Variants in ZHX3 observed in about 807,000 individuals in gnomAD.
ZHX3 encodes the protein zinc fingers and homeoboxes protein 3.
Under a neutral mutation model 64.5 loss-of-function variants are expected in ZHX3, and 20 were observed. The ratio of observed to expected loss-of-function variants is 0.31; its 90% CI spans 0.22 to 0.45. ZHX3 has a LOEUF of 0.45. ZHX3 is among the 20% of genes least tolerant of loss of function. The pLI, the probability that ZHX3 is intolerant of heterozygous loss-of-function variation, is 1.00. For synonymous variants in ZHX3, 423 were observed against 461.6 expected, an observed-to-expected ratio of 0.92 and a Z score of 1.07; for missense variants, 1,041 against 1,195.8, an observed-to-expected ratio of 0.87 and a Z score of 1.91.
rs116337163 is a variant in ZHX3 at position 41,315,307 on chromosome 20, T to C, written c.-245+2202A>G. Among the ~76,000 whole-genome samples the C allele has an allele frequency of 3.1e-3, 461 of 148,250 alleles. 1 individual carries two copies. Among genetic ancestry groups the C allele is most frequent in the African/African-American group, 0.011 (428 of 40,102 alleles). ...AAGCAATTCTCCTGCCTCAGCCTCC[T>C]GAGTAGCTGGGATTACAGGCACGCA... On this transcript the variant is annotated intron_variant, in intron 1 of 3. Transcript: ENST00000683867.
At chr20:41,229,523 T>C (rs1191864636) in intron 2 of ZHX3, among the ~76,000 whole-genome samples, 2 of 152,194 alleles carry the variant, frequency 1.3e-5, no homozygotes, top group African/African-American at 2.4e-5. Context: ...CCACCAACAG[T>C]GCACTGAGTT....
In ZHX3 at chr20:41,219,516, G is replaced by C. The variant is rs1450637426; in HGVS notation, c.-150-14450C>G. Among the ~76,000 whole-genome samples the C allele has an allele frequency of 6.6e-6, 1 of 152,200 alleles. No individual in the cohort carries two copies. The highest frequency in any genetic ancestry group is 1.5e-5 in the Non-Finnish European group (1 of 68,030). On this transcript the variant is annotated intron_variant, in intron 2 of 3. Transcript: ENST00000683867. The surrounding 1 kb of genome is among the most constrained non-coding windows in gnomAD (Gnocchi z 5.0). ...TGGCACTTATTGACACTAGAAAGAT[G>C]TTTGAAATGGTTCCTTGTAGTAAGC...
At chr20:41,252,964 T>G (rs2042061839) in intron 2 of ZHX3, among the ~76,000 whole-genome samples, 1 of 152,148 alleles carries the variant, frequency 6.6e-6, no homozygotes, top group African/African-American at 2.4e-5. Flanking sequence ...CTCACTCTTA[T>G]CACCAGTCCT....
At chr20:41,231,431 T>C (rs888831183) in intron 2 of ZHX3, among the ~76,000 whole-genome samples, 1 of 152,140 alleles carries the variant, frequency 6.6e-6, no homozygotes, top group African/African-American at 2.4e-5. Context: ...TTCATTAGAG[T>C]TTTCTTTAAC....
At chr20:41,227,691 G>A (rs2040357653) in intron 2 of ZHX3, among the ~76,000 whole-genome samples, 1 of 152,182 alleles carries the variant, frequency 6.6e-6, no homozygotes, top group African/African-American at 2.4e-5. Context: ...TAATGTGTCT[G>A]CCATTATGAA....
rs1364757774 is a variant in ZHX3, at chr20:41,219,703, T to G, written c.-150-14637A>C. ...TCAAGAAGCTAACAGTCTGTTGTGG[T>G]TATTAAGCTATCCACCAGGGCTCTG... On this transcript the variant is annotated intron_variant, in intron 2 of 3. Coordinates refer to ENST00000683867, the MANE Select transcript of ZHX3 (RefSeq NM_001384317.1). This position sits in a 1 kb window ranked among gnomAD's most constrained non-coding sequence, Gnocchi z 5.0. 1.3e-5 allele frequency among the ~76,000 whole-genome samples: 2 copies of G among 152,236 alleles called. No individual in the cohort carries two copies. The highest frequency in any genetic ancestry group is 4.8e-5 in the African/African-American group (2 of 41,458).
intron 1 of ZHX3, among the ~76,000 whole-genome samples, chr20:41,277,939 T>C (rs2043475212): frequency 7.7e-6 from 1 of 129,390 alleles, no homozygotes; most frequent in South Asian, 2.7e-4. Flanking sequence ...GAAAGTATAG[T>C]GTAGGGGATG....
intron 2 of ZHX3, among the ~76,000 whole-genome samples, chr20:41,233,931 TG>T (rs765750605): frequency 1.7e-4 from 26 of 152,252 alleles, no homozygotes; most frequent in Non-Finnish European, 3.8e-4. Flanking sequence ...TGAAGAGACA[TG>T]AAAATCCCAC....
intron 3 of ZHX3, among the ~76,000 whole-genome samples, chr20:41,192,151 G>A (rs150841406): frequency 4.6e-4 from 70 of 152,242 alleles, no homozygotes; most frequent in Non-Finnish European, 6.3e-4. Flanking sequence ...CAGGCTGGGC[G>A]GCCCATTCTG....
chr20:41,192,189 G>A (rs2037081733), intron 3 of ZHX3, among the ~76,000 whole-genome samples: 1 of 152,182 alleles, frequency 6.6e-6, no homozygotes, highest in Non-Finnish European at 1.5e-5. Flanking sequence ...CATACAGGTA[G>A]TAGTGGCCAA....
At chr20:41,315,604 C>T (rs1568971399) in intron 1 of ZHX3, among the ~76,000 whole-genome samples, 2 of 151,912 alleles carry the variant, frequency 1.3e-5, no homozygotes, top group African/African-American at 4.8e-5. Context: ...AGACAAAAAG[C>T]TATTGGAGGG....
At chr20:41,263,395 ATT>A (rs11479971) in intron 2 of ZHX3, among the ~76,000 whole-genome samples, 431 of 140,238 alleles carry the variant, frequency 3.1e-3, no homozygotes, top group African/African-American at 4.3e-3. Context: ...CATTAGAGGA[ATT>A]TTTTTTTTTT....
intron 1 of ZHX3, among the ~76,000 whole-genome samples, chr20:41,276,807 C>A (rs898620063): frequency 6.6e-6 from 1 of 152,202 alleles, no homozygotes. Flanking sequence ...TATGACATAG[C>A]TACAAACTAT....
At chr20:41,186,386 C>A (rs531734697) in intron 3 of ZHX3, among the ~76,000 whole-genome samples, 32 of 152,252 alleles carry the variant, frequency 2.1e-4, no homozygotes, top group South Asian at 1.0e-3. Context: ...CACACATTTT[C>A]TTTATTTATC....
At chr20:41,297,436 C>G (rs532316728) in intron 1 of ZHX3, among the ~76,000 whole-genome samples, 2 of 152,204 alleles carry the variant, frequency 1.3e-5, no homozygotes, top group Non-Finnish European at 2.9e-5. Context: ...CCAGTTTTAT[C>G]TCAAACTAAT....
At chr20:41,233,179 A>G (rs1039152433) in intron 2 of ZHX3, among the ~76,000 whole-genome samples, 14 of 152,242 alleles carry the variant, frequency 9.2e-5, no homozygotes, top group Non-Finnish European at 1.9e-4. Context: ...CTGAGACATG[A>G]TAACATCTGC....
intron 3 of ZHX3, among the ~76,000 whole-genome samples, chr20:41,199,538 C>G (rs1343126627): frequency 6.6e-6 from 1 of 151,326 alleles, no homozygotes; most frequent in Non-Finnish European, 1.5e-5. Flanking sequence ...CCTTAAATAT[C>G]TGGCTTGCCA....
intron 3 of ZHX3, among the ~76,000 whole-genome samples, chr20:41,191,162 C>T (rs1236739534): frequency 6.6e-6 from 1 of 152,154 alleles, no homozygotes; most frequent in East Asian, 1.9e-4. Context: ...CTCTGGGATC[C>T]CAATAATTTA....
intron 2 of ZHX3, among the ~76,000 whole-genome samples, chr20:41,208,947 G>T (rs966345849): frequency 6.6e-6 from 1 of 152,146 alleles, no homozygotes; most frequent in Non-Finnish European, 1.5e-5. Flanking sequence ...AAACCCCATC[G>T]TCTCAGCCTA....
Sources: allele counts gnomAD v4.1 joint callset (sites outside exome capture counted in the v4.1 genomes callset), GRCh38; gene constraint gnomAD v4.1.1; non-coding constraint Gnocchi (gnomAD v3.1); transcripts MANE v1.5; gene names NCBI Gene and HGNC (gene_info 2026-07-23, HGNC 2026-07-21).